The following PPP1R7 variants were observed in gnomAD, a reference collection of about 807,000 sequenced individuals.
PPP1R7 encodes protein phosphatase 1 regulatory subunit 7, also known as protein phosphatase 1 regulatory subunit 22.
A neutral mutation model predicts 45.2 loss-of-function variants in PPP1R7; 18 were observed. The observed-to-expected ratio is 0.40, with a 90% CI of 0.28 to 0.59. PPP1R7 has a LOEUF of 0.59. Ranked by LOEUF, PPP1R7 falls within the 20% of genes least tolerant of loss-of-function variation. The probability of loss-of-function intolerance (pLI) is 0.46; values close to 1 mark genes in which losing one functional copy is unlikely to be tolerated. For synonymous variants in PPP1R7, 181 were observed against 183.4 expected (o/e 0.99, Z 0.11); for missense variants, 314 against 455.8 (o/e 0.69, Z 2.83).
At chr2:241,179,129 A>G (rs2284876) in intron 9 of PPP1R7, among the ~76,000 whole-genome samples, 2,003 of 152,302 alleles carry the variant, frequency 0.013, 92 homozygotes, top group East Asian at 0.13. Context: ...AGAGTCTGCC[A>G]GGAAAACGTC....
At chr2:241,169,221 C>T (rs2067773031) in intron 8 of PPP1R7, among the ~76,000 whole-genome samples, 1 of 152,170 alleles carries the variant, frequency 6.6e-6, no homozygotes, top group African/African-American at 2.4e-5. Flanking sequence ...CTCCCGGGAC[C>T]CTTTTCCCAG....
At chr2:241,182,366 A>G (rs2268905) in intron 9 of PPP1R7, among the ~76,000 whole-genome samples, 56,634 of 152,150 alleles carry the variant, frequency 0.37, 12,200 homozygotes, top group East Asian at 0.56. Context: ...GCAGGTGGCC[A>G]GAACTGCTTT....
intron 5 of PPP1R7, among the ~76,000 whole-genome samples, chr2:241,160,032 G>A (rs1037507637): frequency 2.6e-5 from 4 of 152,156 alleles, no homozygotes; most frequent in Non-Finnish European, 5.9e-5. Flanking sequence ...GTCCTGTCAT[G>A]GGCACAAGTG....
At chr2:241,182,226 T>C (rs1431730927) in intron 9 of PPP1R7, among the ~76,000 whole-genome samples, 2 of 152,214 alleles carry the variant, frequency 1.3e-5, no homozygotes, top group Admixed American at 1.3e-4. Context: ...GAGTTTTAAG[T>C]AGAGCGGCCT....
chr2:241,159,702 T>A (rs1477923202), intron 5 of PPP1R7, among the ~76,000 whole-genome samples: 3 of 152,146 alleles, frequency 2.0e-5, no homozygotes, highest in Non-Finnish European at 4.4e-5. Context: ...CTCTTTTTTT[T>A]AATTACAAAA....
intron 1 of PPP1R7, among the ~76,000 whole-genome samples, chr2:241,152,021 ACTC>A (rs1199487099): frequency 1.3e-5 from 2 of 150,836 alleles, no homozygotes; most frequent in Non-Finnish European, 3.0e-5. Flanking sequence ...ACCTCACACC[ACTC>A]CTCCTCTTAC....
upstream of PPP1R7, chr2:241,149,742 C>T (rs774247045): frequency 8.4e-6 from 13 of 1,544,364 alleles, 1 homozygote; most frequent in South Asian, 1.5e-4. Context: ...TTGGAGGCCT[C>T]TTTCTGAAGG....
intron 9 of PPP1R7, among the ~76,000 whole-genome samples, chr2:241,176,030 G>A (rs552363696): frequency 2.0e-5 from 3 of 152,188 alleles, no homozygotes; most frequent in South Asian, 2.1e-4. Flanking sequence ...CGCCCACCTC[G>A]GCTTCCCAAA....
chr2:241,170,023 T>C (rs1034659803), intron 9 of PPP1R7, 156 bp downstream of exon 9: 3 of 608,352 alleles, frequency 4.9e-6, no homozygotes, highest in Non-Finnish European at 8.8e-6. Context: ...TGTAGACTTG[T>C]ATTGGGTGTT....
intron 9 of PPP1R7, among the ~76,000 whole-genome samples, chr2:241,180,100 A>G (rs966232648): frequency 6.6e-6 from 1 of 152,218 alleles, no homozygotes; most frequent in African/African-American, 2.4e-5. Context: ...ATCGAGAAAG[A>G]AGGAGGTGAC....
intron 1 of PPP1R7, among the ~76,000 whole-genome samples, chr2:241,152,488 C>T (rs561730584): frequency 3.3e-5 from 5 of 152,236 alleles, no homozygotes; most frequent in South Asian, 2.1e-4. Flanking sequence ...ACCGTCATTG[C>T]GGGGGTAGGG....
chr2:241,160,946 C>A (rs2067575124), intron 6 of PPP1R7, among the ~76,000 whole-genome samples: 2 of 148,718 alleles, frequency 1.3e-5, no homozygotes, highest in South Asian at 4.4e-4. Context: ...TGGTCATCTT[C>A]TCTGGCATAC....
chr2:241,158,644 C>T (rs1049784282), intron 4 of PPP1R7, 95 bp downstream of exon 4: 1 of 1,297,710 alleles, frequency 7.7e-7, no homozygotes, highest in African/African-American at 1.5e-5. Flanking sequence ...TGGTCCTTGT[C>T]CCAGCCTGTG....
Position 241,183,018 on chromosome 2 carries a change from C to A in PPP1R7, c.*195C>A. ...ATGCCGTTGCAATTAAATCTTGCCA[C>A]ACTGTCCTCCTGGGTGATTGTTGAC... On this transcript the variant is annotated 3_prime_UTR_variant, in exon 10 of 10. Transcript: ENST00000234038. 1.6e-6 allele frequency: 1 copy of A among 616,606 alleles called. No individual in the cohort carries two copies. Among genetic ancestry groups the A allele is most frequent in the Non-Finnish European group, 2.8e-6 (1 of 354,352 alleles). 38.2% of individuals were successfully genotyped at this position (616,606 alleles called of 1,614,324 possible).
intron 3 of PPP1R7, 109 bp downstream of exon 3, chr2:241,157,971 C>T (rs2067497438): frequency 8.7e-7 from 1 of 1,149,442 alleles, no homozygotes; most frequent in Non-Finnish European, 1.3e-6. Flanking sequence ...CCTAAGCCTC[C>T]CTTGGTTGAG....
At chr2:241,177,666 G>GC (rs1559428658) in intron 9 of PPP1R7, among the ~76,000 whole-genome samples, 1 of 152,188 alleles carries the variant, frequency 6.6e-6, no homozygotes, top group African/African-American at 2.4e-5. Context: ...GATGCATCCC[G>GC]CCCCTGCCAT....
At chr2:241,152,626 C>T (rs1242608510) in intron 1 of PPP1R7, among the ~76,000 whole-genome samples, 1 of 152,194 alleles carries the variant, frequency 6.6e-6, no homozygotes, top group East Asian at 1.9e-4. Context: ...AACTTTTTCC[C>T]TCAAAGAGCA....
chr2:241,181,682 G>A (rs984302614), intron 9 of PPP1R7, among the ~76,000 whole-genome samples: 5 of 152,154 alleles, frequency 3.3e-5, no homozygotes, highest in African/African-American at 9.7e-5. Flanking sequence ...CTTGCCTTCC[G>A]TTCCACATGG....
At chr2:241,161,444 C>A (rs2067587751) in intron 6 of PPP1R7, among the ~76,000 whole-genome samples, 1 of 151,734 alleles carries the variant, frequency 6.6e-6, no homozygotes, top group Non-Finnish European at 1.5e-5. Context: ...GCAAAGTGGT[C>A]ACTTGGAGTG....
Sources: gnomAD v4.1 joint callset for allele counts (sites outside exome capture counted in the v4.1 genomes callset) on GRCh38, gnomAD v4.1.1 for gene constraint, MANE v1.5 for transcripts, NCBI Gene and HGNC (gene_info 2026-07-23, HGNC 2026-07-21) for gene names.